The following PSD2 variants were observed in gnomAD, a reference collection of about 807,000 sequenced individuals.
PSD2 encodes the protein PH and SEC7 domain-containing protein 2.
Under a neutral mutation model 69.8 loss-of-function variants are expected in PSD2, and 38 were observed. The ratio of observed to expected loss-of-function variants is 0.54; its 90% CI spans 0.42 to 0.71. The LOEUF is 0.71. Among genes scored for constraint, PSD2 ranks in the 30% least tolerant of loss-of-function variants. The pLI, the probability that PSD2 is intolerant of heterozygous loss-of-function variation, is 0.00. For synonymous variants in PSD2, 412 were observed against 423.0 expected, an observed-to-expected ratio of 0.97 and a Z score of 0.32; for missense variants, 943 against 1,014.5, an observed-to-expected ratio of 0.93 and a Z score of 0.96.
chr5:139,807,044 G>T (rs1297597093), intron 1 of PSD2, among the ~76,000 whole-genome samples: 1 of 152,238 alleles, frequency 6.6e-6, no homozygotes, highest in Non-Finnish European at 1.5e-5. Flanking sequence ...GGGCGGAGGG[G>T]CTCCCAAGAG....
chr5:139,831,995 G>A (rs563999972), intron 7 of PSD2, among the ~76,000 whole-genome samples: 1 of 152,236 alleles, frequency 6.6e-6, no homozygotes, highest in East Asian at 1.9e-4. Flanking sequence ...GAAGGAGCAG[G>A]TGCTTCGGGG....
chr5:139,804,813 G>A (rs1454951398), intron 1 of PSD2, among the ~76,000 whole-genome samples: 1 of 152,160 alleles, frequency 6.6e-6, no homozygotes, highest in Non-Finnish European at 1.5e-5. Context: ...CACCTTACCA[G>A]GCAAATTAGG....
chr5:139,743,141 G>A, the PSD2 span, among the ~76,000 whole-genome samples: 4 of 152,202 alleles, frequency 2.6e-5, no homozygotes, highest in Admixed American at 6.5e-5. Context: ...AGAGCTGCGA[G>A]CCCCTGTGGG....
At position 139,814,849 on chromosome 5, in the gene PSD2, G is replaced by C. The variant is rs188172798; in HGVS notation, c.1016+485G>C. Among the ~76,000 whole-genome samples the C allele has an allele frequency of 1.3e-5, 2 of 152,278 alleles. No homozygotes were observed. The highest frequency in any genetic ancestry group is 3.9e-4 in the East Asian group (2 of 5,166). On this transcript the variant is annotated intron_variant, in intron 4 of 14. Transcript: ENST00000274710. The surrounding 1 kb of genome is among the most constrained non-coding windows in gnomAD (Gnocchi z 4.4). ...AGCACACACCCTGGCCTTCAGACCA[G>C]GTGCAAAGGGAACTGGCTAGATGAG...
chr5:139,816,205 A>G (rs927438142), intron 4 of PSD2, among the ~76,000 whole-genome samples: 4 of 152,180 alleles, frequency 2.6e-5, no homozygotes, highest in Non-Finnish European at 4.4e-5. Flanking sequence ...ATACTTTAGT[A>G]TGTATCTCCA....
At chr5:139,820,186 C>T (rs1045523757) in intron 5 of PSD2, among the ~76,000 whole-genome samples, 1 of 151,922 alleles carries the variant, frequency 6.6e-6, no homozygotes, top group African/African-American at 2.4e-5. Context: ...GGTGGCGGCA[C>T]GGGGTTGCGG....
At chr5:139,783,930 C>T in the PSD2 span, among the ~76,000 whole-genome samples, 10 of 131,254 alleles carry the variant, frequency 7.6e-5, no homozygotes, top group Non-Finnish European at 1.1e-4. Flanking sequence ...TCCCCTTTCT[C>T]CTTCTGCTAG....
chr5:139,752,161 C>T, the PSD2 span, among the ~76,000 whole-genome samples: 5 of 152,104 alleles, frequency 3.3e-5, no homozygotes, highest in African/African-American at 9.7e-5. Context: ...CCAAGCCCCT[C>T]ACACTCCTCA....
intron 7 of PSD2, among the ~76,000 whole-genome samples, chr5:139,831,219 T>C (rs1294093329): frequency 6.6e-6 from 1 of 152,212 alleles, no homozygotes; most frequent in African/African-American, 2.4e-5. Flanking sequence ...TCGAATCTAT[T>C]TTGTCAGACA....
chr5:139,822,309 G>A (rs1384705321), intron 6 of PSD2, among the ~76,000 whole-genome samples: 2 of 152,216 alleles, frequency 1.3e-5, no homozygotes, highest in African/African-American at 4.8e-5. Context: ...GGCTGTTGGT[G>A]TGGTGGGGGT....
At chr5:139,767,931 G>A in the PSD2 span, among the ~76,000 whole-genome samples, 1 of 152,250 alleles carries the variant, frequency 6.6e-6, no homozygotes, top group Non-Finnish European at 1.5e-5. Context: ...CCTGACCCCA[G>A]GGCACCAGGA....
the PSD2 span, among the ~76,000 whole-genome samples, chr5:139,766,835 CTTTCTT>C: frequency 5.0e-3 from 694 of 138,210 alleles, 40 homozygotes; most frequent in African/African-American, 0.014. Flanking sequence ...TTCCTTCTTT[CTTTCTT>C]TCTTTCTTTC....
chr5:139,786,129 C>T, the PSD2 span, among the ~76,000 whole-genome samples: 3 of 151,654 alleles, frequency 2.0e-5, no homozygotes, highest in Non-Finnish European at 4.4e-5. Context: ...TCACACCTGT[C>T]GTCCCAGCTC....
the PSD2 span, among the ~76,000 whole-genome samples, chr5:139,748,926 G>A: frequency 6.6e-6 from 1 of 151,828 alleles, no homozygotes; most frequent in Non-Finnish European, 1.5e-5. Context: ...TGAATACATA[G>A]GGGTGGGTGT....
chr5:139,819,791 C>T (rs1054542951), intron 5 of PSD2, among the ~76,000 whole-genome samples: 2 of 152,222 alleles, frequency 1.3e-5, no homozygotes, highest in Middle Eastern at 3.4e-3. Flanking sequence ...GTAAAGATTG[C>T]GCTAGAATGA....
intron 2 of PSD2, 78 bp from the exon 3 acceptor site, chr5:139,813,231 A>C (rs888725121): frequency 1.6e-6 from 2 of 1,260,646 alleles, no homozygotes; most frequent in Middle Eastern, 2.0e-4. Flanking sequence ...GGGCTCCCAG[A>C]CACAGATGAG....
chr5:139,835,548 C>T (rs62383877), intron 8 of PSD2, among the ~76,000 whole-genome samples, 175 bp from the exon 9 acceptor site: 314 of 152,334 alleles, frequency 2.1e-3, no homozygotes, highest in Non-Finnish European at 3.1e-3. Context: ...ACCACCCATC[C>T]GTACATCCAC....
At chr5:139,793,856 G>A (rs2194141), upstream of PSD2, among the ~76,000 whole-genome samples, 25,201 of 152,202 alleles carry the variant, frequency 0.17, 2,156 homozygotes, top group East Asian at 0.23. Flanking sequence ...ACAAAGAGGG[G>A]GACTGCTACC....
At chr5:139,811,606 T>G (rs1169797606) in intron 2 of PSD2, among the ~76,000 whole-genome samples, 1 of 152,154 alleles carries the variant, frequency 6.6e-6, no homozygotes, top group Non-Finnish European at 1.5e-5. Flanking sequence ...GCTCTTTTTT[T>G]TTATTTGAGA....
Sources: gnomAD v4.1 joint callset for allele counts (sites outside exome capture counted in the v4.1 genomes callset) on GRCh38, gnomAD v4.1.1 for gene constraint, Gnocchi (gnomAD v3.1) non-coding constraint, MANE v1.5 for transcripts, NCBI Gene and HGNC (gene_info 2026-07-23, HGNC 2026-07-21) for gene names.